Variants in KIAA1210 observed in about 807,000 individuals in gnomAD.
KIAA1210 encodes the protein acrosomal protein KIAA1210.
A neutral mutation model predicts 78.9 loss-of-function variants in KIAA1210; 48 were observed. The observed-to-expected ratio is 0.61, with a 90% CI of 0.48 to 0.77. KIAA1210 has a LOEUF of 0.77. KIAA1210 is among the 30% of genes least tolerant of loss of function. The probability of loss-of-function intolerance (pLI) is 0.00; values close to 1 mark genes in which losing one functional copy is unlikely to be tolerated. For synonymous variants in KIAA1210, 406 were observed against 404.5 expected (o/e 1.00, Z -0.04); for missense variants, 1,108 against 1,100.0 (o/e 1.01, Z -0.10).
chrX:119,140,106 C>G (rs906231773), intron 2 of KIAA1210, among the ~76,000 whole-genome samples: 3 of 112,650 alleles, frequency 2.7e-5, no homozygotes, highest in African/African-American at 9.7e-5. Context: ...CAGAGGCTCA[C>G]TATAAGCCCT....
chrX:119,134,550 G>A (rs1204704864), intron 2 of KIAA1210, among the ~76,000 whole-genome samples: 2 of 112,088 alleles, frequency 1.8e-5, no homozygotes, highest in African/African-American at 3.2e-5. Context: ...TCACCTGTGG[G>A]TATTTGAACA....
At chrX:119,139,589 C>T (rs751255322) in intron 2 of KIAA1210, among the ~76,000 whole-genome samples, 15 of 111,769 alleles carry the variant, frequency 1.3e-4, no homozygotes, top group Non-Finnish European at 2.6e-4. Flanking sequence ...GCTGTCCTCC[C>T]CGTGGTGGTA....
At chrX:119,098,475 G>A (rs1466816273) in intron 6 of KIAA1210, among the ~76,000 whole-genome samples, 1 of 110,361 alleles carries the variant, frequency 9.1e-6, no homozygotes, top group Non-Finnish European at 1.9e-5. Flanking sequence ...TGTGGTGGCA[G>A]ATGCCTGTAA....
At chrX:119,137,632 A>G (rs1047238232) in intron 2 of KIAA1210, among the ~76,000 whole-genome samples, 19 of 112,916 alleles carry the variant, frequency 1.7e-4, no homozygotes, top group African/African-American at 5.8e-4. Context: ...ATGGCTTTGA[A>G]TGTGGCCCAA....
intron 5 of KIAA1210, among the ~76,000 whole-genome samples, chrX:119,105,851 C>A (rs970041001): frequency 4.5e-5 from 5 of 111,901 alleles, no homozygotes; most frequent in Non-Finnish European, 7.5e-5. Flanking sequence ...AGACACTGGT[C>A]CCTGCCATGG....
chrX:119,151,006 C>A (rs942893481), upstream of KIAA1210, among the ~76,000 whole-genome samples: 3 of 112,678 alleles, frequency 2.7e-5, no homozygotes, highest in Non-Finnish European at 5.6e-5. Flanking sequence ...CGGTTACGTG[C>A]CTTGCCTGCT....
At chrX:119,125,735 A>ATATATATATATATTTT (rs5903546) in intron 1 of KIAA1210, among the ~76,000 whole-genome samples, 1 of 15,806 alleles carries the variant, frequency 6.3e-5, no homozygotes, top group African/African-American at 2.6e-4. Flanking sequence ...ATATATATAT[A>ATATATATATATATTTT]TTTTTTTTTT....
chrX:119,119,863 C>A (rs1928392506), intron 2 of KIAA1210, among the ~76,000 whole-genome samples: 1 of 108,922 alleles, frequency 9.2e-6, no homozygotes, highest in African/African-American at 3.4e-5. Context: ...GTAGTCCCAG[C>A]TACTCGGGAG....
At chrX:119,128,663 T>A (rs148700717), upstream of KIAA1210, among the ~76,000 whole-genome samples, 1 of 111,313 alleles carries the variant, frequency 9.0e-6, no homozygotes, top group African/African-American at 3.3e-5. Context: ...ATTCTTTTTT[T>A]ATTTATTTTT....
chrX:119,139,420 T>A (rs34589626), intron 2 of KIAA1210, among the ~76,000 whole-genome samples: 7,849 of 111,355 alleles, frequency 0.07, 681 homozygotes, highest in African/African-American at 0.24. Context: ...TTGGGTACAA[T>A]GTATACTATT....
Position 119,087,096 on chromosome X carries a change from AC to A in KIAA1210, c.3605del (p.Ser1202IlefsTer3), listed in dbSNP as rs1455384936. The part of the protein sequence containing the change: ...SSPFQQQVHS[S>X]SVNAAARRSV... ...ATCGCCTAGCAGCAGCATTCACAGA[AC>A]TTGAATGAACCTGTTGCTGGAAAGG... is the stretch of plus-strand genomic sequence containing the variant. On this transcript the variant is annotated frameshift_variant, in exon 9 of 12. Transcript: ENST00000691062. LOFTEE classifies it high-confidence loss of function. 1.5e-5 allele frequency: 18 copies of A among 1,211,600 alleles called. No individual in the cohort carries two copies. Among genetic ancestry groups the A allele is most frequent in the Non-Finnish European group, 2.0e-5 (18 of 895,268 alleles).
intron 7 of KIAA1210, 36 bp downstream of exon 7, chrX:119,096,458 A>G (rs373349866): frequency 2.7e-6 from 3 of 1,128,887 alleles, no homozygotes; most frequent in Non-Finnish European, 3.6e-6. Context: ...CTTTTCTTAT[A>G]CAGGAGTTTA....
Position 119,088,149 on chromosome X carries a change from T to C in KIAA1210, c.2553A>G (p.Thr851=). Residue 851 remains threonine, a synonymous_variant, in exon 9 of 12, where the codon ACA becomes ACG. Transcript: ENST00000691062. ...LLPRYSPQSL[T]DPQIRQISES... is the part of the protein sequence containing the mutation. The stretch of plus-strand genomic sequence containing the variant: ...CTGAGATTTGCCGGATTTGAGGATC[T>C]GTCAAGGACTGAGGAGAATATCTGG... 3.3e-6 allele frequency: 4 copies of C among 1,211,673 alleles called. No homozygotes were observed. The highest frequency in any genetic ancestry group is 4.5e-6 in the Non-Finnish European group (4 of 895,410).
At chrX:119,123,457 G>T in intron 2 of KIAA1210, 125 bp downstream of exon 2, 1 of 475,187 alleles carries the variant, frequency 2.1e-6, no homozygotes, top group Non-Finnish European at 3.4e-6. Flanking sequence ...AAACTGAAAA[G>T]TAAACGTGAC....
rs151273770 is a variant in KIAA1210 at position 119,142,396 on chromosome X, A to C, written c.410+5077T>G. ...GGCTTATCATTCTGCAGCCTGTACA[A>C]GACTACCAGCATCTGCTTCTGGTGA... On this transcript the variant is annotated intron_variant, in intron 2 of 13. Coordinates refer to the KIAA1210 transcript ENST00000402510. Among the ~76,000 whole-genome samples the C allele has an allele frequency of 7.4e-3, 829 of 112,068 alleles. 10 individuals are homozygous for C. The highest frequency in any genetic ancestry group is 0.026 in the African/African-American group (793 of 30,860).
At chrX:119,137,936 G>C (rs918086933) in intron 2 of KIAA1210, among the ~76,000 whole-genome samples, 1 of 111,784 alleles carries the variant, frequency 8.9e-6, no homozygotes, top group Admixed American at 9.5e-5. Context: ...AGTCAGAAAA[G>C]GGTGTCCATA....
At chrX:119,086,525 C>A (rs1278669176) in intron 9 of KIAA1210, 21 bp downstream of exon 9, 1 of 1,166,497 alleles carries the variant, frequency 8.6e-7, no homozygotes, top group African/African-American at 1.8e-5. Flanking sequence ...TGCTTGCCAT[C>A]TGGAGAGATA....
At chrX:119,143,075 C>CTCTGG (rs1929088112) in intron 2 of KIAA1210, among the ~76,000 whole-genome samples, 1 of 112,181 alleles carries the variant, frequency 8.9e-6, no homozygotes, top group Non-Finnish European at 1.9e-5. Flanking sequence ...TACATGTTCA[C>CTCTGG]TATTATTGGT....
chrX:119,101,132 CTT>C (rs1271365477), intron 6 of KIAA1210, among the ~76,000 whole-genome samples: 2 of 112,225 alleles, frequency 1.8e-5, no homozygotes, highest in Admixed American at 1.9e-4. Flanking sequence ...ATTTTCACTT[CTT>C]TTTTCCCTTC....
Sources: gnomAD v4.1 joint callset for allele counts (sites outside exome capture counted in the v4.1 genomes callset) on GRCh38, gnomAD v4.1.1 for gene constraint, MANE v1.5 for transcripts, NCBI Gene and HGNC (gene_info 2026-07-23, HGNC 2026-07-21) for gene names.